The following CCDC91 variants were observed in gnomAD, a reference collection of about 807,000 sequenced individuals.
The protein encoded by CCDC91 is coiled-coil domain containing 91.
CCDC91 carries 48 observed loss-of-function variants against 63.2 expected under a neutral mutation model. That is an observed-to-expected ratio of 0.76 (90% confidence interval 0.60 to 0.97). The LOEUF (loss-of-function observed/expected upper bound fraction) is 0.97, where lower values mean the gene tolerates loss of function less well. CCDC91 is among the 50% of genes least tolerant of loss of function. CCDC91 has a pLI of 0.00. For synonymous variants in CCDC91, 167 were observed against 165.8 expected, an observed-to-expected ratio of 1.01 and a Z score of -0.06; for missense variants, 500 against 494.6, an observed-to-expected ratio of 1.01 and a Z score of -0.10.
chr12:28,421,102 A>T (rs573272219), intron 8 of CCDC91, among the ~76,000 whole-genome samples: 90 of 152,248 alleles, frequency 5.9e-4, no homozygotes, highest in African/African-American at 2.1e-3. Context: ...ACATTTTAAG[A>T]CATTTTAGCA....
chr12:28,262,234 A>T (rs543772478), intron 3 of CCDC91, among the ~76,000 whole-genome samples: 9 of 152,136 alleles, frequency 5.9e-5, no homozygotes, highest in African/African-American at 1.9e-4. Context: ...ACCTACCTGT[A>T]TCTTAGCTGT....
chr12:28,324,830 C>T (rs936314527), intron 6 of CCDC91, among the ~76,000 whole-genome samples: 12 of 151,678 alleles, frequency 7.9e-5, no homozygotes, highest in Non-Finnish European at 1.5e-4. Flanking sequence ...TCTTACTTTC[C>T]ATCCCATCTA....
intron 8 of CCDC91, among the ~76,000 whole-genome samples, chr12:28,414,155 GTTTGTC>G (rs1947494999): frequency 6.6e-6 from 1 of 151,994 alleles, no homozygotes; most frequent in Non-Finnish European, 1.5e-5. Flanking sequence ...ATCAAAACTC[GTTTGTC>G]TTTGTCTTTC....
At chr12:28,322,598 C>A (rs1239588709) in intron 6 of CCDC91, among the ~76,000 whole-genome samples, 1 of 151,662 alleles carries the variant, frequency 6.6e-6, no homozygotes, top group Non-Finnish European at 1.5e-5. Flanking sequence ...TTCTCTGCTT[C>A]CTTATTTTTT....
At chr12:28,274,009 AT>A (rs1257993468) in intron 3 of CCDC91, among the ~76,000 whole-genome samples, 1 of 152,134 alleles carries the variant, frequency 6.6e-6, no homozygotes, top group Non-Finnish European at 1.5e-5. Context: ...TCTTGAATTA[AT>A]TTTTGTATAA....
rs559729195 is a variant in CCDC91, at chr12:28,270,561, A to G, written c.109+11119A>G. Among the ~76,000 whole-genome samples, 14 of 152,254 alleles carry G rather than the reference A, an allele frequency of 9.2e-5. No individual in the cohort carries two copies. In the East Asian group the frequency reaches 2.5e-3, roughly 27 times the overall value. ...TTCTTCATCTCTTAAAAATTTACGA[A>G]CACAATGTTAATTTTATTTCAAGGA... On this transcript the variant is annotated intron_variant, in intron 3 of 12. Coordinates refer to ENST00000536442, the MANE Select transcript of CCDC91 (RefSeq NM_018318.5).
intron 12 of CCDC91, among the ~76,000 whole-genome samples, chr12:28,519,187 T>C (rs1324615958): frequency 4.6e-5 from 7 of 152,120 alleles, no homozygotes; most frequent in African/African-American, 1.7e-4. Flanking sequence ...GCGCATGGAA[T>C]GTATTTCCAT....
rs1237119973 is a variant in CCDC91 at position 28,323,666 on chromosome 12, TA to T, written c.576+15920del. Among the ~76,000 whole-genome samples, 5 of 152,112 alleles carry T rather than the reference TA, an allele frequency of 3.3e-5. No individual in the cohort carries two copies. In the East Asian group the frequency reaches 9.7e-4, roughly 29 times the overall value. On this transcript the variant is annotated intron_variant, in intron 6 of 12. Coordinates refer to ENST00000536442, the MANE Select transcript of CCDC91 (RefSeq NM_018318.5). ...GTTGCGATTTTGATAGAAATTTTGT[TA>T]AATTCTTAGATGTATAGATGCAAAA...
intron 8 of CCDC91, among the ~76,000 whole-genome samples, chr12:28,429,996 A>AT (rs1339555636): frequency 1.3e-5 from 2 of 151,420 alleles, no homozygotes; most frequent in Admixed American, 6.6e-5. Context: ...TTCATCAGGA[A>AT]TTTTTTTTTC....
At chr12:28,238,438 A>C (rs1395695294) in intron 1 of CCDC91, among the ~76,000 whole-genome samples, 1 of 152,212 alleles carries the variant, frequency 6.6e-6, no homozygotes, top group East Asian at 1.9e-4. Flanking sequence ...CAAGAACCTA[A>C]GGAAAGAATT....
At chr12:28,416,250 TA>T (rs1265278024) in intron 8 of CCDC91, among the ~76,000 whole-genome samples, 2 of 152,188 alleles carry the variant, frequency 1.3e-5, no homozygotes, top group African/African-American at 4.8e-5. Flanking sequence ...GTTGCTGCAC[TA>T]GCTTAGCATT....
chr12:28,239,980 G>A (rs1419264330), intron 1 of CCDC91, among the ~76,000 whole-genome samples: 4 of 152,108 alleles, frequency 2.6e-5, no homozygotes, highest in Non-Finnish European at 4.4e-5. Flanking sequence ...TCCAGCTCTT[G>A]TAACTGTGGA....
At chr12:28,383,462 G>C (rs1006365864) in intron 7 of CCDC91, among the ~76,000 whole-genome samples, 1 of 152,020 alleles carries the variant, frequency 6.6e-6, no homozygotes, top group Non-Finnish European at 1.5e-5. Context: ...TCTTAATTCA[G>C]CTTTTCCAAA....
At chr12:28,541,075 A>G (rs2141807671) in intron 12 of CCDC91, among the ~76,000 whole-genome samples, 1 of 152,232 alleles carries the variant, frequency 6.6e-6, no homozygotes, top group African/African-American at 2.4e-5. Context: ...CAGTTTCTTG[A>G]CCCATAGAAA....
chr12:28,192,759 A>T (rs559420507), intron 1 of CCDC91, among the ~76,000 whole-genome samples: 193 of 152,140 alleles, frequency 1.3e-3, no homozygotes, highest in Middle Eastern at 3.4e-3. Flanking sequence ...TGCTTTTTTT[A>T]AAAAAAATCA....
At chr12:28,425,689 C>T (rs1415899542) in intron 8 of CCDC91, among the ~76,000 whole-genome samples, 1 of 152,194 alleles carries the variant, frequency 6.6e-6, no homozygotes, top group Non-Finnish European at 1.5e-5. Flanking sequence ...TCATGGAACT[C>T]TCTCTAACTG....
chr12:28,491,945 G>A (rs1161576257), intron 12 of CCDC91, among the ~76,000 whole-genome samples: 1 of 147,626 alleles, frequency 6.8e-6, no homozygotes, highest in Non-Finnish European at 1.5e-5. Flanking sequence ...GTGTGTGTGC[G>A]TGTATGAAGG....
intron 12 of CCDC91, among the ~76,000 whole-genome samples, chr12:28,515,747 T>C (rs190890320): frequency 9.2e-5 from 14 of 152,020 alleles, no homozygotes; most frequent in African/African-American, 3.4e-4. Flanking sequence ...CTTACTTTTA[T>C]AAAAACTCAG....
At chr12:28,472,482 T>C (rs1003826045) in intron 11 of CCDC91, among the ~76,000 whole-genome samples, 2 of 152,200 alleles carry the variant, frequency 1.3e-5, no homozygotes, top group African/African-American at 4.8e-5. Context: ...TGGATTACAA[T>C]TTTTAATATA....
Sources: allele counts gnomAD v4.1 joint callset (sites outside exome capture counted in the v4.1 genomes callset), GRCh38; gene constraint gnomAD v4.1.1; transcripts MANE v1.5; gene names NCBI Gene and HGNC (gene_info 2026-07-23, HGNC 2026-07-21).